Variants in CDKAL1 observed in about 807,000 individuals in gnomAD.
CDKAL1 encodes threonylcarbamoyladenosine tRNA methylthiotransferase.
A neutral mutation model predicts 68.2 loss-of-function variants in CDKAL1; 32 were observed. The ratio of observed to expected loss-of-function variants is 0.47; its 90% CI spans 0.35 to 0.63. The LOEUF (loss-of-function observed/expected upper bound fraction) is 0.63. CDKAL1 is among the 30% of genes least tolerant of loss of function. The probability of loss-of-function intolerance (pLI) is 0.00; values close to 1 mark genes in which losing one functional copy is unlikely to be tolerated. For synonymous variants in CDKAL1, 234 were observed against 244.3 expected, an observed-to-expected ratio of 0.96 and a Z score of 0.39; for missense variants, 606 against 696.7, an observed-to-expected ratio of 0.87 and a Z score of 1.47.
chr6:21,228,681 T>C (rs962570446), intron 15 of CDKAL1, among the ~76,000 whole-genome samples: 2 of 152,198 alleles, frequency 1.3e-5, no homozygotes, highest in African/African-American at 4.8e-5. Context: ...TGCAGCCTGC[T>C]AGGTTCCAAG....
At chr6:21,203,777 A>C (rs1009021332) in intron 15 of CDKAL1, among the ~76,000 whole-genome samples, 3 of 138,974 alleles carry the variant, frequency 2.2e-5, no homozygotes, top group African/African-American at 8.2e-5. Context: ...TCTCACTGCA[A>C]CCTCCACCTT....
intron 9 of CDKAL1, among the ~76,000 whole-genome samples, chr6:20,889,020 T>G (rs1357144095): frequency 1.3e-5 from 2 of 152,208 alleles, no homozygotes; most frequent in Non-Finnish European, 2.9e-5. Flanking sequence ...CTCCACATCC[T>G]CTCCAGCACC....
intron 8 of CDKAL1, among the ~76,000 whole-genome samples, chr6:20,784,295 AT>A (rs1775562542): frequency 6.6e-6 from 1 of 151,582 alleles, no homozygotes; most frequent in Admixed American, 6.6e-5. Flanking sequence ...ATTACTAATA[AT>A]ACCTGATACA....
At chr6:20,540,904 C>T (rs957128139) in intron 2 of CDKAL1, among the ~76,000 whole-genome samples, 1 of 152,158 alleles carries the variant, frequency 6.6e-6, no homozygotes, top group African/African-American at 2.4e-5. Context: ...GGCCATGGGA[C>T]TGGATGAGGT....
At chr6:20,721,345 T>A (rs1463307261) in intron 5 of CDKAL1, among the ~76,000 whole-genome samples, 1 of 152,226 alleles carries the variant, frequency 6.6e-6, no homozygotes, top group South Asian at 2.1e-4. Flanking sequence ...CCACATTTTT[T>A]AAATCCCGTC....
chr6:20,768,752 G>C (rs953922504), intron 7 of CDKAL1, among the ~76,000 whole-genome samples: 2 of 152,102 alleles, frequency 1.3e-5, no homozygotes, highest in African/African-American at 4.8e-5. Flanking sequence ...GACTTTGAGA[G>C]AGGTAGTTTT....
At chr6:21,118,355 T>G (rs993558376) in intron 13 of CDKAL1, among the ~76,000 whole-genome samples, 7 of 152,230 alleles carry the variant, frequency 4.6e-5, no homozygotes, top group African/African-American at 1.7e-4. Flanking sequence ...TAGTTTGGGC[T>G]GATGCTGTTT....
intron 9 of CDKAL1, among the ~76,000 whole-genome samples, chr6:20,937,249 T>A (rs1234215715): frequency 6.6e-6 from 1 of 152,164 alleles, no homozygotes; most frequent in Non-Finnish European, 1.5e-5. Context: ...CACACCCAGC[T>A]AATTTATTTG....
intron 9 of CDKAL1, among the ~76,000 whole-genome samples, chr6:20,945,407 A>G (rs186395666): frequency 4.0e-4 from 61 of 152,348 alleles, no homozygotes; most frequent in Non-Finnish European, 6.8e-4. Flanking sequence ...ATAAAGGAAT[A>G]TTTACCTGTA....
rs546528990 is a variant in CDKAL1 at position 20,797,626 on chromosome 6, C to T, written c.638+16361C>T. Among the ~76,000 whole-genome samples the T allele has an allele frequency of 3.9e-5, 6 of 152,108 alleles. 1 individual carries two copies. In the South Asian group the frequency reaches 8.3e-4, roughly 21 times the overall value. ...ATGAATGGAAAAATCATCTGTGTTG[C>T]GTTCACTTAATTGAATACCACCAAA... On this transcript the variant is annotated intron_variant, in intron 8 of 15. Transcript: ENST00000274695.
intron 8 of CDKAL1, among the ~76,000 whole-genome samples, chr6:20,791,403 G>T (rs1049328314): frequency 5.9e-5 from 9 of 152,144 alleles, no homozygotes; most frequent in African/African-American, 1.9e-4. Context: ...TGGCAGAATT[G>T]TGACTCGAAC....
At chr6:21,007,824 T>C (rs1582015775) in intron 11 of CDKAL1, among the ~76,000 whole-genome samples, 2 of 152,332 alleles carry the variant, frequency 1.3e-5, no homozygotes, top group Non-Finnish European at 2.9e-5. Context: ...CAGTTAGTGA[T>C]AGAACCTTGA....
chr6:20,967,629 A>G (rs1765384072), intron 10 of CDKAL1, among the ~76,000 whole-genome samples: 1 of 152,192 alleles, frequency 6.6e-6, no homozygotes, highest in South Asian at 2.1e-4. Flanking sequence ...TAAATCAGAT[A>G]ATATAAAAAC....
rs926273430 is a variant in CDKAL1, at chr6:20,629,059, G to A, written c.287-20234G>A. Among the ~76,000 whole-genome samples, 3 of 151,114 alleles carry A rather than the reference G, an allele frequency of 2.0e-5. No individual in the cohort carries two copies. In the Admixed American group the frequency reaches 2.0e-4, roughly 10 times the overall value. On this transcript the variant is annotated intron_variant, in intron 4 of 15. Transcript: ENST00000274695. Reference sequence around the variant, plus strand: ...ACTTCATTCATCTTATTCCCTTAATGTCCTTTATGGCAAAAGAAAGGATTC... The same window carrying A: ...ACTTCATTCATCTTATTCCCTTAATATCCTTTATGGCAAAAGAAAGGATTC...
chr6:20,790,905 G>A (rs935796977), intron 8 of CDKAL1, among the ~76,000 whole-genome samples: 1 of 152,122 alleles, frequency 6.6e-6, no homozygotes, highest in African/African-American at 2.4e-5. Flanking sequence ...TAAAATGAAG[G>A]CACCATTCAA....
intron 13 of CDKAL1, among the ~76,000 whole-genome samples, chr6:21,182,035 A>T (rs1246330335): frequency 6.6e-6 from 1 of 152,214 alleles, no homozygotes; most frequent in Admixed American, 6.5e-5. Context: ...CCTAAGACCT[A>T]TATCTAACTT....
In CDKAL1 at chr6:20,710,754, T is replaced by G. The variant is rs564911412; in HGVS notation, c.372-28765T>G. Among the ~76,000 whole-genome samples, 4 of 152,350 alleles carry G rather than the reference T, an allele frequency of 2.6e-5. No individual in the cohort carries two copies. In the East Asian group the frequency reaches 7.7e-4, roughly 29 times the overall value. On this transcript the variant is annotated intron_variant, in intron 5 of 15. Coordinates refer to ENST00000274695, the MANE Select transcript of CDKAL1 (RefSeq NM_017774.3). ...ATGTGCATCTGTTACCTTAATTTAC[T>G]GAGAAGTTTTTGATTTACTTGAACA...
At chr6:21,168,584 T>G (rs750406172) in intron 13 of CDKAL1, among the ~76,000 whole-genome samples, 4 of 152,142 alleles carry the variant, frequency 2.6e-5, no homozygotes, top group Non-Finnish European at 5.9e-5. Context: ...ACACCACAAT[T>G]GGGAAAAGTG....
chr6:20,980,283 G>T (rs1766065825), intron 10 of CDKAL1, among the ~76,000 whole-genome samples: 1 of 152,070 alleles, frequency 6.6e-6, no homozygotes, highest in South Asian at 2.1e-4. Context: ...TGTCGCCCAG[G>T]CTGGAGTGCA....
Sources: allele counts gnomAD v4.1 joint callset (sites outside exome capture counted in the v4.1 genomes callset), GRCh38; gene constraint gnomAD v4.1.1; transcripts MANE v1.5; gene names NCBI Gene and HGNC (gene_info 2026-07-23, HGNC 2026-07-21).